PDE10A: variants seen among roughly 807,000 people sequenced by gnomAD.
PDE10A encodes the protein cAMP and cAMP-inhibited cGMP 3',5'-cyclic phosphodiesterase 10A.
Under a neutral mutation model 97.7 loss-of-function variants are expected in PDE10A, and 39 were observed. The observed-to-expected ratio is 0.40, with a 90% CI of 0.31 to 0.52. PDE10A has a LOEUF of 0.52. Among genes scored for constraint, PDE10A ranks in the 20% least tolerant of loss-of-function variants. The pLI is 0.56. For missense variants in PDE10A, 731 were observed against 1,047.8 expected, an observed-to-expected ratio of 0.70 and a Z score of 4.17; for synonymous variants, 371 against 376.8, an observed-to-expected ratio of 0.98 and a Z score of 0.18.
intron 1 of PDE10A, among the ~76,000 whole-genome samples, chr6:165,633,986 A>G (rs1240418442): frequency 6.6e-6 from 1 of 152,156 alleles, no homozygotes; most frequent in African/African-American, 2.4e-5. Context: ...AGAAAGTCCT[A>G]TCAGAAAAAC....
chr6:165,970,965 T>C (rs900125345), intron 1 of PDE10A, among the ~76,000 whole-genome samples: 1 of 152,264 alleles, frequency 6.6e-6, no homozygotes, highest in South Asian at 2.1e-4. Context: ...CTGGCCAACA[T>C]GGCAAAGCCC....
intron 1 of PDE10A, among the ~76,000 whole-genome samples, chr6:165,583,000 T>C (rs977327528): frequency 2.0e-5 from 3 of 152,186 alleles, no homozygotes; most frequent in Admixed American, 2.0e-4. Flanking sequence ...AACCACCAAG[T>C]ACCGGCCTCC....
At chr6:165,843,666 C>T (rs1429412765) in intron 1 of PDE10A, among the ~76,000 whole-genome samples, 1 of 152,192 alleles carries the variant, frequency 6.6e-6, no homozygotes, top group African/African-American at 2.4e-5. Flanking sequence ...AGGCCCACCT[C>T]TTCCTATCAC....
intron 2 of PDE10A, among the ~76,000 whole-genome samples, chr6:165,499,687 T>C: frequency 6.6e-6 from 1 of 152,218 alleles, no homozygotes; most frequent in Non-Finnish European, 1.5e-5. Context: ...TATCCACATG[T>C]TGAAAGAAAA....
chr6:165,469,554 T>C (rs946519014), intron 3 of PDE10A, among the ~76,000 whole-genome samples: 1 of 152,202 alleles, frequency 6.6e-6, no homozygotes, highest in Non-Finnish European at 1.5e-5. Context: ...AAGAAGATAT[T>C]TCAACTTGTG....
intron 1 of PDE10A, among the ~76,000 whole-genome samples, chr6:165,851,122 C>T (rs1583188999): frequency 6.6e-6 from 1 of 152,226 alleles, no homozygotes; most frequent in East Asian, 1.9e-4. Flanking sequence ...GCCTCTATCT[C>T]TACCTAATAT....
At chr6:165,435,162 T>A in intron 6 of PDE10A, 75 bp downstream of exon 6, 1 of 1,246,138 alleles carries the variant, frequency 8.0e-7, no homozygotes, top group South Asian at 1.4e-5. Flanking sequence ...AATTATAACA[T>A]CAAAATGATA....
chr6:165,386,530 T>A (rs1285270455), intron 17 of PDE10A, among the ~76,000 whole-genome samples: 2 of 152,186 alleles, frequency 1.3e-5, no homozygotes, highest in Non-Finnish European at 2.9e-5. Context: ...TGATGTTGTT[T>A]CTGGCGTTTA....
intron 1 of PDE10A, among the ~76,000 whole-genome samples, chr6:165,786,599 G>A (rs1778502623): frequency 6.6e-6 from 1 of 152,138 alleles, no homozygotes; most frequent in South Asian, 2.1e-4. Flanking sequence ...GATGACACAT[G>A]GGCTGTTTTG....
At chr6:165,624,934 C>A (rs1788310848) in intron 1 of PDE10A, among the ~76,000 whole-genome samples, 1 of 152,164 alleles carries the variant, frequency 6.6e-6, no homozygotes, top group African/African-American at 2.4e-5. Flanking sequence ...CTCCAGCAGT[C>A]CTGAATGCAG....
chr6:165,482,563 A>G (rs926517519), intron 2 of PDE10A, among the ~76,000 whole-genome samples: 2 of 152,194 alleles, frequency 1.3e-5, no homozygotes, highest in Non-Finnish European at 2.9e-5. Context: ...AAATACCACC[A>G]CCGCCTTACC....
Position 165,372,642 on chromosome 6 carries a change from C to G in PDE10A, c.2783+6552G>C, listed in dbSNP as rs892314171. On this transcript the variant is annotated intron_variant, in intron 18 of 21. Transcript: ENST00000539869. ...TAGGAAGAATCAATATTGTGAAAATCGCCATACTGCCCAAGGTAATTTATA... is the reference window on the plus strand; with the variant it reads ...TAGGAAGAATCAATATTGTGAAAATGGCCATACTGCCCAAGGTAATTTATA... 4.7e-5 allele frequency among the ~76,000 whole-genome samples: 7 copies of G among 150,304 alleles called. No homozygotes were observed. In the South Asian group the frequency reaches 8.4e-4, roughly 18 times the overall value.
At chr6:165,974,828 G>C (rs1255993046) in intron 1 of PDE10A, among the ~76,000 whole-genome samples, 1 of 152,190 alleles carries the variant, frequency 6.6e-6, no homozygotes, top group Non-Finnish European at 1.5e-5. Flanking sequence ...TCAGTGAGAG[G>C]GATCTGGCAG....
chr6:165,420,275 G>A (rs56371841), intron 10 of PDE10A, among the ~76,000 whole-genome samples: 14,288 of 152,110 alleles, frequency 0.094, 843 homozygotes, highest in Middle Eastern at 0.15. Context: ...TGCTACAACA[G>A]CAGAGTTGAG....
At chr6:165,874,581 A>G (rs1010993289) in intron 1 of PDE10A, among the ~76,000 whole-genome samples, 5 of 152,056 alleles carry the variant, frequency 3.3e-5, no homozygotes, top group African/African-American at 1.2e-4. Context: ...TAAAATCAGT[A>G]AGCGTTACAC....
intron 1 of PDE10A, among the ~76,000 whole-genome samples, chr6:165,887,569 C>T (rs1441529436): frequency 2.6e-5 from 4 of 152,156 alleles, no homozygotes; most frequent in South Asian, 4.1e-4. Context: ...CAGCCAGCAG[C>T]GTTCCCAGGC....
intron 1 of PDE10A, among the ~76,000 whole-genome samples, chr6:165,679,224 G>A (rs1266283525): frequency 6.6e-6 from 1 of 152,202 alleles, no homozygotes. Flanking sequence ...GATTAGAAAA[G>A]AATGAGAAAA....
intron 1 of PDE10A, among the ~76,000 whole-genome samples, chr6:165,614,983 G>A (rs952369543): frequency 3.3e-5 from 5 of 152,020 alleles, no homozygotes; most frequent in East Asian, 3.9e-4. Context: ...AGGCCGAGGC[G>A]GGCAGATCAC....
At chr6:165,568,059 C>T (rs1784869817) in intron 1 of PDE10A, among the ~76,000 whole-genome samples, 1 of 130,316 alleles carries the variant, frequency 7.7e-6, no homozygotes, top group African/African-American at 2.9e-5. Flanking sequence ...AGTGCAGTGG[C>T]ACAATCTTGG....
Sources: gnomAD v4.1 joint callset for allele counts (sites outside exome capture counted in the v4.1 genomes callset) on GRCh38, gnomAD v4.1.1 for gene constraint, MANE v1.5 for transcripts, NCBI Gene and HGNC (gene_info 2026-07-23, HGNC 2026-07-21) for gene names.